RIMS2: variants seen among roughly 807,000 people sequenced by gnomAD.
The protein encoded by RIMS2 is regulating synaptic membrane exocytosis 2.
Under a neutral mutation model 174.4 loss-of-function variants are expected in RIMS2, and 59 were observed. The ratio of observed to expected loss-of-function variants is 0.34; its 90% confidence interval spans 0.27 to 0.42. RIMS2 has a LOEUF of 0.42. Ranked by LOEUF, RIMS2 falls within the 10% of genes least tolerant of loss-of-function variation. The probability of loss-of-function intolerance (pLI) is 1.00; values close to 1 mark genes in which losing one functional copy is unlikely to be tolerated. For synonymous variants in RIMS2, 606 were observed against 572.5 expected, an observed-to-expected ratio of 1.06 and a Z score of -0.84; for missense variants, 1,620 against 1,666.3, an observed-to-expected ratio of 0.97 and a Z score of 0.48.
At chr8:103,775,081 A>G (rs1185201915) in intron 3 of RIMS2, among the ~76,000 whole-genome samples, 1 of 152,088 alleles carries the variant, frequency 6.6e-6, no homozygotes, top group Admixed American at 6.6e-5. Flanking sequence ...AGAGATGCTT[A>G]TATTTATAGA....
intron 3 of RIMS2, among the ~76,000 whole-genome samples, chr8:103,878,425 T>A (rs1462731448): frequency 6.6e-6 from 1 of 151,898 alleles, no homozygotes; most frequent in Non-Finnish European, 1.5e-5. Flanking sequence ...GGAACCTACT[T>A]GATTGTGGTG....
intron 19 of RIMS2, among the ~76,000 whole-genome samples, chr8:104,242,687 T>G (rs1349890260): frequency 6.6e-6 from 1 of 152,220 alleles, no homozygotes; most frequent in Non-Finnish European, 1.5e-5. Context: ...CTTGTTACTC[T>G]ATCACCTGTT....
intron 19 of RIMS2, among the ~76,000 whole-genome samples, chr8:104,197,254 C>T (rs567364770): frequency 6.6e-6 from 1 of 150,810 alleles, no homozygotes; most frequent in Non-Finnish European, 1.5e-5. Flanking sequence ...TGGCTCACTG[C>T]AACCTCCATT....
chr8:103,794,984 G>T (rs552632236), intron 3 of RIMS2, among the ~76,000 whole-genome samples: 1 of 152,200 alleles, frequency 6.6e-6, no homozygotes, highest in African/African-American at 2.4e-5. Flanking sequence ...TACACTGTTG[G>T]TGGGACTGTA....
At chr8:104,040,411 C>T (rs2096589091) in intron 19 of RIMS2, among the ~76,000 whole-genome samples, 1 of 151,646 alleles carries the variant, frequency 6.6e-6, no homozygotes, top group Non-Finnish European at 1.5e-5. Context: ...TTAGAATGCT[C>T]AGTTTAACAG....
chr8:103,944,108 C>G (rs1453536748), intron 14 of RIMS2, among the ~76,000 whole-genome samples: 3 of 152,042 alleles, frequency 2.0e-5, no homozygotes, highest in African/African-American at 4.8e-5. Context: ...AATAACCTCT[C>G]TAATTACTGG....
At chr8:103,791,801 A>T (rs2098501841) in intron 3 of RIMS2, among the ~76,000 whole-genome samples, 1 of 152,244 alleles carries the variant, frequency 6.6e-6, no homozygotes, top group South Asian at 2.1e-4. Context: ...CTTTAAACCA[A>T]CAAAGATCAA....
chr8:103,687,715 T>G lies in RIMS2; in HGVS notation c.177-9371T>G, dbSNP rs1379627073. Among the ~76,000 whole-genome samples the G allele has an allele frequency of 2.0e-5, 3 of 152,148 alleles. No homozygotes were observed. In the South Asian group the frequency reaches 6.2e-4, roughly 31 times the overall value. ...ATCATAATTCTACCCTCTACCTCTATGAGTTGAACTTTTTAAGATTTCACA... is the reference window on the plus strand; with the variant it reads ...ATCATAATTCTACCCTCTACCTCTAGGAGTTGAACTTTTTAAGATTTCACA... On this transcript the variant is annotated intron_variant, in intron 1 of 23. Transcript: ENST00000504942.
intron 1 of RIMS2, among the ~76,000 whole-genome samples, chr8:103,576,347 A>T (rs558274933): frequency 1.3e-5 from 2 of 152,366 alleles, no homozygotes; most frequent in South Asian, 4.1e-4. Flanking sequence ...CTGTAAGCAA[A>T]CATATCCAAT....
intron 1 of RIMS2, among the ~76,000 whole-genome samples, chr8:103,549,642 G>A (rs1846746167): frequency 6.6e-6 from 1 of 152,098 alleles, no homozygotes; most frequent in Non-Finnish European, 1.5e-5. Flanking sequence ...AATGTAAATG[G>A]GCTAAATGCT....
chr8:104,047,799 A>G (rs1360333406), intron 19 of RIMS2, among the ~76,000 whole-genome samples: 1 of 152,136 alleles, frequency 6.6e-6, no homozygotes, highest in East Asian at 1.9e-4. Flanking sequence ...AAGCAAATCT[A>G]TGCATCAAGC....
At chr8:103,540,301 G>A (rs1341860632) in intron 1 of RIMS2, among the ~76,000 whole-genome samples, 1 of 151,920 alleles carries the variant, frequency 6.6e-6, no homozygotes, top group African/African-American at 2.4e-5. Context: ...AAAGAAATTG[G>A]GTGGACCTTA....
chr8:103,666,870 G>C (rs2096676304), intron 1 of RIMS2, among the ~76,000 whole-genome samples: 1 of 152,150 alleles, frequency 6.6e-6, no homozygotes, highest in African/African-American at 2.4e-5. Flanking sequence ...TCCAGTCACA[G>C]TGTGTCGTTC....
chr8:103,783,209 A>G (rs145091168), intron 3 of RIMS2, among the ~76,000 whole-genome samples: 39 of 151,556 alleles, frequency 2.6e-4, no homozygotes, highest in African/African-American at 9.0e-4. Flanking sequence ...CTTAGGGGCT[A>G]CCCAGTGTTC....
At chr8:103,625,248 C>T (rs1481793025) in intron 1 of RIMS2, among the ~76,000 whole-genome samples, 1 of 151,638 alleles carries the variant, frequency 6.6e-6, no homozygotes, top group African/African-American at 2.4e-5. Flanking sequence ...CCATCAATAA[C>T]ATTTTTTAAG....
chr8:103,818,369 C>T (rs1483958469), intron 3 of RIMS2, among the ~76,000 whole-genome samples: 6 of 152,130 alleles, frequency 3.9e-5, no homozygotes, highest in Non-Finnish European at 7.4e-5. Flanking sequence ...GGTTTACACA[C>T]TAGTTTTAGA....
chr8:104,016,393 C>A (rs2095906536), intron 19 of RIMS2, among the ~76,000 whole-genome samples: 1 of 151,962 alleles, frequency 6.6e-6, no homozygotes, highest in South Asian at 2.1e-4. Flanking sequence ...ATATTTTATA[C>A]CCTTATATAA....
intron 19 of RIMS2, among the ~76,000 whole-genome samples, chr8:104,211,654 T>C (rs1225113495): frequency 6.6e-6 from 1 of 151,634 alleles, no homozygotes; most frequent in Non-Finnish European, 1.5e-5. Context: ...AACCTCTGCC[T>C]CCCAGGTTTA....
intron 1 of RIMS2, among the ~76,000 whole-genome samples, chr8:103,668,479 G>A (rs2096703345): frequency 6.6e-6 from 1 of 151,968 alleles, no homozygotes; most frequent in Non-Finnish European, 1.5e-5. Context: ...ATGTTCAAAT[G>A]GCCAATCAGG....
Sources: gnomAD v4.1 joint callset for allele counts (sites outside exome capture counted in the v4.1 genomes callset) on GRCh38, gnomAD v4.1.1 for gene constraint, MANE v1.5 for transcripts, NCBI Gene and HGNC (gene_info 2026-07-23, HGNC 2026-07-21) for gene names.